ROR1: variants seen among roughly 807,000 people sequenced by gnomAD.
ROR1 encodes the protein ROR family WNT receptor 1, also known as inactive tyrosine-protein kinase transmembrane receptor ROR1.
Under a neutral mutation model 78.8 loss-of-function variants are expected in ROR1, and 19 were observed. The ratio of observed to expected loss-of-function variants is 0.24; its 90% CI spans 0.17 to 0.35. The LOEUF is 0.35. Among genes scored for constraint, ROR1 ranks in the 10% least tolerant of loss-of-function variants. The pLI, the probability that ROR1 is intolerant of heterozygous loss-of-function variation, is 1.00. For synonymous variants in ROR1, 386 were observed against 433.6 expected (o/e 0.89, Z 1.36); for missense variants, 917 against 1,177.8 (o/e 0.78, Z 3.24).
At chr1:63,968,643 G>T (rs1646095184) in intron 1 of ROR1, among the ~76,000 whole-genome samples, 1 of 152,138 alleles carries the variant, frequency 6.6e-6, no homozygotes, top group South Asian at 2.1e-4. Flanking sequence ...AAACTATTCT[G>T]CCCCCGAGTT....
intron 1 of ROR1, among the ~76,000 whole-genome samples, chr1:64,002,793 G>A (rs1249836517): frequency 6.6e-6 from 1 of 152,170 alleles, no homozygotes; most frequent in Non-Finnish European, 1.5e-5. Flanking sequence ...TTTAGAATTG[G>A]TGAAACAAAC....
chr1:64,026,141 G>A (rs1646607754), intron 2 of ROR1, among the ~76,000 whole-genome samples: 1 of 151,862 alleles, frequency 6.6e-6, no homozygotes, highest in South Asian at 2.1e-4. Context: ...GAGCCAACTT[G>A]TCTTCATTCT....
intron 7 of ROR1, chr1:64,143,444 G>A: frequency 6.2e-6 from 6 of 975,064 alleles, no homozygotes; most frequent in Non-Finnish European, 7.3e-6. Context: ...CCTGATCCTA[G>A]TTCTCATAGA....
intron 1 of ROR1, among the ~76,000 whole-genome samples, chr1:63,910,183 C>T (rs1645559942): frequency 6.6e-6 from 1 of 152,170 alleles, no homozygotes; most frequent in South Asian, 2.1e-4. Context: ...ACTAGCTGCA[C>T]TCTTTGAATG....
At chr1:64,168,468 G>A (rs1650147057) in intron 8 of ROR1, among the ~76,000 whole-genome samples, 1 of 152,072 alleles carries the variant, frequency 6.6e-6, no homozygotes, top group Non-Finnish European at 1.5e-5. Flanking sequence ...TCTAGGATAG[G>A]AGCCATGTCT....
At chr1:64,020,427 G>C (rs1484770661) in intron 2 of ROR1, among the ~76,000 whole-genome samples, 1 of 152,068 alleles carries the variant, frequency 6.6e-6, no homozygotes, top group South Asian at 2.1e-4. Context: ...AAATGAAAAA[G>C]GCAGAAACAT....
chr1:63,958,025 A>G (rs1645997639), intron 1 of ROR1, among the ~76,000 whole-genome samples: 1 of 152,150 alleles, frequency 6.6e-6, no homozygotes, highest in Non-Finnish European at 1.5e-5. Context: ...TACAGGCATG[A>G]GCCACTGCAC....
intron 2 of ROR1, among the ~76,000 whole-genome samples, chr1:64,040,452 A>G (rs1012161543): frequency 6.6e-6 from 1 of 152,234 alleles, no homozygotes; most frequent in African/African-American, 2.4e-5. Context: ...ATACCTTCTC[A>G]TAATAAAAAC....
At chr1:63,884,021 G>A (rs1338327207) in intron 1 of ROR1, among the ~76,000 whole-genome samples, 2 of 152,140 alleles carry the variant, frequency 1.3e-5, no homozygotes, top group African/African-American at 4.8e-5. Context: ...AATGATAGTA[G>A]GGGGAAAAGC....
intron 4 of ROR1, among the ~76,000 whole-genome samples, chr1:64,094,148 A>T (rs1647236360): frequency 6.6e-6 from 1 of 152,192 alleles, no homozygotes. Flanking sequence ...ATGAAATACT[A>T]AGTAACTCTT....
intron 1 of ROR1, among the ~76,000 whole-genome samples, chr1:63,922,768 G>A (rs1266916492): frequency 1.3e-5 from 2 of 152,118 alleles, no homozygotes; most frequent in Non-Finnish European, 2.9e-5. Flanking sequence ...TTTTAGAGAA[G>A]AGGAAACTAG....
At chr1:63,806,006 G>A (rs1003619866) in intron 1 of ROR1, among the ~76,000 whole-genome samples, 2 of 152,182 alleles carry the variant, frequency 1.3e-5, no homozygotes, top group African/African-American at 4.8e-5. Context: ...GCAACAAAGC[G>A]AGACGCTGTC....
At chr1:64,065,100 A>G (rs940578368) in intron 4 of ROR1, among the ~76,000 whole-genome samples, 5 of 152,182 alleles carry the variant, frequency 3.3e-5, no homozygotes, top group Non-Finnish European at 5.9e-5. Flanking sequence ...ACTTCTAGAT[A>G]TTTGCTTCCT....
At chr1:64,003,335 A>C (rs950883326) in intron 1 of ROR1, among the ~76,000 whole-genome samples, 5 of 152,240 alleles carry the variant, frequency 3.3e-5, no homozygotes, top group African/African-American at 1.2e-4. Flanking sequence ...CAATGTAATT[A>C]CATGGTTAAA....
intron 1 of ROR1, among the ~76,000 whole-genome samples, chr1:63,797,037 T>G (rs1261378993): frequency 5.3e-5 from 8 of 152,232 alleles, no homozygotes. Context: ...TTCTAGATGT[T>G]AAACCTATTA....
chr1:63,885,809 C>T lies in ROR1; in HGVS notation c.91+111301C>T, dbSNP rs188049262. Reference sequence around the variant, plus strand: ...CCCTCATATGTTAGATCAGTGGTCCCCAACCTTTTTGGCACCAGGGACTAG... The same window carrying T: ...CCCTCATATGTTAGATCAGTGGTCCTCAACCTTTTTGGCACCAGGGACTAG... On this transcript the variant is annotated intron_variant, in intron 1 of 8. Coordinates refer to ENST00000371079, the MANE Select transcript of ROR1 (RefSeq NM_005012.4). 2.3e-3 allele frequency among the ~76,000 whole-genome samples: 351 copies of T among 152,236 alleles called. 2 individuals are homozygous for T. The highest frequency in any genetic ancestry group is 8.2e-3 in the African/African-American group (342 of 41,532).
chr1:63,964,515 G>T (rs1419268463), intron 1 of ROR1, among the ~76,000 whole-genome samples: 1 of 152,120 alleles, frequency 6.6e-6, no homozygotes, highest in Non-Finnish European at 1.5e-5. Flanking sequence ...CTAGAACTGT[G>T]CCAGGAGTAG....
chr1:63,894,000 C>T (rs1270853088), intron 1 of ROR1, among the ~76,000 whole-genome samples: 1 of 152,048 alleles, frequency 6.6e-6, no homozygotes, highest in Admixed American at 6.6e-5. Flanking sequence ...TTTACCTTAT[C>T]ACTTTATAGT....
chr1:63,985,039 A>G (rs142648931), intron 1 of ROR1, among the ~76,000 whole-genome samples: 2,865 of 152,258 alleles, frequency 0.019, 32 homozygotes, highest in Non-Finnish European at 0.029. Context: ...GTGCTGTCAT[A>G]TATATTACTA....
Sources: gnomAD v4.1 joint callset for allele counts (sites outside exome capture counted in the v4.1 genomes callset) on GRCh38, gnomAD v4.1.1 for gene constraint, MANE v1.5 for transcripts, NCBI Gene and HGNC (gene_info 2026-07-23, HGNC 2026-07-21) for gene names.